Variants in SEC23B observed in about 807,000 individuals in gnomAD.
The protein encoded by SEC23B is protein transport protein Sec23B.
A neutral mutation model predicts 104.3 loss-of-function variants in SEC23B; 77 were observed. The observed-to-expected ratio is 0.74, with a 90% CI of 0.61 to 0.89. SEC23B has a LOEUF of 0.89. SEC23B is among the 40% of genes least tolerant of loss of function. The probability of loss-of-function intolerance (pLI) is 0.00; values close to 1 mark genes in which losing one functional copy is unlikely to be tolerated. For synonymous variants in SEC23B, 338 were observed against 332.5 expected (o/e 1.02, Z -0.18); for missense variants, 885 against 949.4 (o/e 0.93, Z 0.89).
intron 4 of SEC23B, among the ~76,000 whole-genome samples, chr20:18,520,887 G>A (rs932940755): frequency 2.0e-5 from 3 of 152,056 alleles, no homozygotes; most frequent in Non-Finnish European, 4.4e-5. Flanking sequence ...GAAGATCTGG[G>A]AAGGAGTCAG....
At position 18,511,019 on chromosome 20, in the gene SEC23B, A is replaced by G. The variant is rs751589966; in HGVS notation, c.184A>G (p.Ser62Gly). The change falls in exon 2 of 20, where the codon AGC becomes GGC. Residue 62 changes from serine (S) to glycine (G), a missense_variant. By Grantham distance (56) the Ser-to-Gly change is moderately conservative. Coordinates refer to ENST00000650089, the MANE Select transcript of SEC23B (RefSeq NM_006363.6). ...PPVQYEPVLC[S>G]RPTCKAVLNP... ...TGTACAATATGAACCTGTGCTTTGC[A>G]GCAGGCCAACTTGTAAAGCTGTTCT... 5.0e-6 allele frequency: 8 copies of G among 1,614,098 alleles called. No homozygotes were observed. In the African/African-American group the frequency reaches 5.3e-5, roughly 11 times the overall value.
At chr20:18,516,643 TC>T (rs1401117222) in intron 4 of SEC23B, among the ~76,000 whole-genome samples, 6 of 151,488 alleles carry the variant, frequency 4.0e-5, no homozygotes, top group Admixed American at 3.3e-4. Context: ...GCTCTGCCTC[TC>T]GGGTTCACGC....
intron 4 of SEC23B, among the ~76,000 whole-genome samples, chr20:18,516,561 T>C (rs1395813329): frequency 6.6e-6 from 1 of 151,052 alleles, no homozygotes; most frequent in Non-Finnish European, 1.5e-5. Context: ...CTTTTTTTTT[T>C]TTTCTTCTGA....
At chr20:18,538,509 TTCCAAA>T (rs2060257941) in intron 12 of SEC23B, among the ~76,000 whole-genome samples, 1 of 152,054 alleles carries the variant, frequency 6.6e-6, no homozygotes, top group East Asian at 1.9e-4. Context: ...CGTCTCTGCC[TTCCAAA>T]GTGCTGGGAT....
intron 4 of SEC23B, among the ~76,000 whole-genome samples, chr20:18,516,218 A>G (rs2148889416): frequency 7.0e-6 from 1 of 143,346 alleles, no homozygotes; most frequent in East Asian, 2.0e-4. Context: ...CTATTTATAC[A>G]TTATTCTTCA....
intron 18 of SEC23B, 151 bp downstream of exon 18, chr20:18,554,541 G>T: frequency 8.9e-7 from 1 of 1,125,340 alleles, no homozygotes; most frequent in Non-Finnish European, 1.3e-6. Flanking sequence ...TTAAATGAGT[G>T]GTCAGGCCAA....
intron 11 of SEC23B, 95 bp downstream of exon 11, chr20:18,532,839 G>C: frequency 1.1e-6 from 1 of 896,898 alleles, no homozygotes; most frequent in South Asian, 1.3e-5. Context: ...TCACCTGTTG[G>C]ATGTGTCTGC....
At chr20:18,519,831 A>T (rs1194871544) in intron 4 of SEC23B, among the ~76,000 whole-genome samples, 1 of 152,128 alleles carries the variant, frequency 6.6e-6, no homozygotes. Context: ...TGTAGAAGAG[A>T]TTGGGGTTTG....
chr20:18,528,829 G>A (rs1215368949), intron 9 of SEC23B, among the ~76,000 whole-genome samples: 1 of 152,202 alleles, frequency 6.6e-6, no homozygotes, highest in Non-Finnish European at 1.5e-5. Flanking sequence ...GCTAGTTTGT[G>A]TGAATTTTTT....
chr20:18,551,649 G>A (rs2060387914), intron 17 of SEC23B, among the ~76,000 whole-genome samples: 1 of 151,962 alleles, frequency 6.6e-6, no homozygotes, highest in African/African-American at 2.4e-5. Flanking sequence ...GGGAGGTTGA[G>A]GTTGTAGTGA....
At position 18,532,801 on chromosome 20, in the gene SEC23B, G is replaced by T. The variant is rs373833674; in HGVS notation, c.1314+57G>T. 3.9e-6 allele frequency: 5 copies of T among 1,287,394 alleles called. No individual in the cohort carries two copies. In the African/African-American group the frequency reaches 7.2e-5, roughly 19 times the overall value. The allele number at this position is 1,287,394 out of a possible 1,614,324, so 79.7% of individuals were successfully genotyped here. ...CTGCCCCGGATTTAACCCGTCAGAA[G>T]TGTCAGAGCATGATGATCTCACATG... On this transcript the variant is annotated intron_variant, in intron 11 of 19. Coordinates refer to ENST00000650089, the MANE Select transcript of SEC23B (RefSeq NM_006363.6).
chr20:18,512,098 T>G (rs2059986540), intron 2 of SEC23B, 127 bp from the exon 3 acceptor site: 2 of 645,596 alleles, frequency 3.1e-6, no homozygotes, highest in Non-Finnish European at 5.4e-6. Context: ...TGCATACACA[T>G]AGAAACACTT....
Position 18,548,590 on chromosome 20 carries a change from C to A in SEC23B, c.1744-19C>A. The A allele has an allele frequency of 6.2e-7, 1 of 1,611,954 alleles. No homozygotes were observed. The highest frequency in any genetic ancestry group is 8.5e-7 in the Non-Finnish European group (1 of 1,178,082). On this transcript the variant is annotated intron_variant, in intron 15 of 19. Transcript: ENST00000650089. ...GTTACAATTATATGCATTTCTCTTT[C>A]CGTTCTTTGTGAATGCAGTTTATGT...
chr20:18,515,934 T>C, intron 4 of SEC23B, 198 bp downstream of exon 4: 1 of 578,236 alleles, frequency 1.7e-6, no homozygotes, highest in Non-Finnish European at 3.1e-6. Flanking sequence ...ACTAAAAAGG[T>C]AGAACTGATT....
intron 6 of SEC23B, 45 bp downstream of exon 6, chr20:18,525,065 C>T: frequency 6.6e-7 from 1 of 1,505,692 alleles, no homozygotes; most frequent in Non-Finnish European, 9.3e-7. Context: ...GATGGACATG[C>T]AGATGATCCA....
intron 10 of SEC23B, among the ~76,000 whole-genome samples, chr20:18,532,338 G>A (rs1394275305): frequency 6.6e-6 from 1 of 152,194 alleles, no homozygotes; most frequent in African/African-American, 2.4e-5. Flanking sequence ...ACATGAATGT[G>A]AATATATTCA....
At chr20:18,551,280 G>T in intron 17 of SEC23B, 105 bp downstream of exon 17, 1 of 681,032 alleles carries the variant, frequency 1.5e-6, no homozygotes, top group South Asian at 1.8e-5. Flanking sequence ...CTTAACTATG[G>T]TTTTTGTTTT....
intron 14 of SEC23B, among the ~76,000 whole-genome samples, chr20:18,543,447 G>A (rs565957586): frequency 1.0e-3 from 152 of 152,324 alleles, no homozygotes; most frequent in African/African-American, 3.6e-3. Flanking sequence ...GTCATTTTGT[G>A]AATGCTCTGG....
At chr20:18,524,710 TTTTTAAA>T in intron 5 of SEC23B, 41 bp downstream of exon 5, 1 of 1,528,644 alleles carries the variant, frequency 6.5e-7, no homozygotes. Context: ...CAAGGACTTT[TTTTTAAA>T]AGAGACTGGG....
Sources: gnomAD v4.1 joint callset for allele counts (sites outside exome capture counted in the v4.1 genomes callset) on GRCh38, gnomAD v4.1.1 for gene constraint, MANE v1.5 for transcripts, NCBI Gene and HGNC (gene_info 2026-07-23, HGNC 2026-07-21) for gene names.